The following MTRR variants were observed in gnomAD, a reference collection of about 807,000 sequenced individuals.
MTRR encodes 5-methyltetrahydrofolate-homocysteine methyltransferase reductase, also known as methionine synthase reductase.
In MTRR, 63 loss-of-function variants were observed where a neutral mutation model predicts 79.2. The observed-to-expected ratio is 0.80, with a 90% confidence interval of 0.65 to 0.98. MTRR has a LOEUF of 0.98. Ranked by LOEUF, MTRR falls within the 50% of genes least tolerant of loss-of-function variation. The pLI, the probability that MTRR is intolerant of heterozygous loss-of-function variation, is 0.00. For synonymous variants in MTRR, 355 were observed against 313.3 expected (o/e 1.13, Z -1.41); for missense variants, 895 against 839.6 (o/e 1.07, Z -0.82).
upstream of MTRR, chr5:7,865,978 CTTT>C: frequency 6.2e-7 from 1 of 1,613,608 alleles, no homozygotes; most frequent in Non-Finnish European, 8.5e-7. Flanking sequence ...AAATGAGATT[CTTT>C]ACCTGAAACA....
chr5:7,895,434 T>A (rs1738340768), intron 11 of MTRR, among the ~76,000 whole-genome samples: 1 of 152,186 alleles, frequency 6.6e-6, no homozygotes, highest in Non-Finnish European at 1.5e-5. Flanking sequence ...AGAAAGCAGA[T>A]CTTATCCATA....
intron 8 of MTRR, among the ~76,000 whole-genome samples, chr5:7,886,996 A>G (rs3815743): frequency 0.16 from 24,011 of 152,082 alleles, 2,004 homozygotes; most frequent in Middle Eastern, 0.33. Context: ...ACTAGTTATT[A>G]ACTACGTAGC....
In MTRR at chr5:7,889,180, C is replaced by G; in HGVS notation, c.1232C>G (p.Ala411Gly). The change falls in exon 9 of 15, where the codon GCC becomes GGC. Residue 411 changes from alanine (A) to glycine (G), a missense_variant. Ala to Gly is a moderately conservative substitution (Grantham distance 60). Transcript: ENST00000440940. ...LQELCSKQGA[A>G]DYSRFVRDAC... ...GAGCTGTGCAGTAAACAAGGGGCAGCCGATTATAGCCGCTTTGTACGAGAT... is the reference window on the plus strand; with the variant it reads ...GAGCTGTGCAGTAAACAAGGGGCAGGCGATTATAGCCGCTTTGTACGAGAT... 5 of 1,614,020 alleles carry G rather than the reference C, an allele frequency of 3.1e-6. No individual in the cohort carries two copies. The highest frequency in any genetic ancestry group is 4.2e-6 in the Non-Finnish European group (5 of 1,180,022).
chr5:7,851,667 C>T (rs1746083968), intron 1 of MTRR: 1 of 152,138 alleles, frequency 6.6e-6, no homozygotes, highest in Admixed American at 6.5e-5. Context: ...CTAGCAGTTA[C>T]AGTATTGGCC....
chr5:7,867,075 C>G, upstream of MTRR: 1 of 1,614,186 alleles, frequency 6.2e-7, no homozygotes, highest in Non-Finnish European at 8.5e-7. Flanking sequence ...GCCTCCAAGA[C>G]TCTCCTAAGC....
rs776897289 is a variant in MTRR at position 7,878,130 on chromosome 5, C to T, written c.588C>T (p.Phe196=). The T allele has an allele frequency of 5.6e-6, 9 of 1,613,788 alleles. No homozygotes were observed. The highest frequency in any genetic ancestry group is 4.0e-5 in the African/African-American group (3 of 74,826). The stretch of plus-strand genomic sequence containing the variant: ...AATCTCAAGTCGAGCTTCTGAGATT[C>T]GATGATTCAGGAAGAAAGGATTCTG... ...HIESQVELLR[F]DDSGRKDSEV... Residue 196 remains phenylalanine, a synonymous_variant, in exon 5 of 15, where the codon TTC becomes TTT. Coordinates refer to ENST00000440940, the MANE Select transcript of MTRR (RefSeq NM_002454.3).
chr5:7,854,557 T>C (rs114204331), intron 1 of MTRR, among the ~76,000 whole-genome samples: 2,238 of 152,168 alleles, frequency 0.015, 50 homozygotes, highest in African/African-American at 0.051. Context: ...ACTCCTTACA[T>C]GGTGGCGGCA....
chr5:7,872,202 AAAGTT>A (rs1000037037), intron 2 of MTRR: 10 of 448,304 alleles, frequency 2.2e-5, no homozygotes, highest in African/African-American at 2.0e-4. Context: ...ACTTCGGTAA[AAAGTT>A]AAGTTGTTAC....
rs1442614578 is a variant in MTRR at position 7,883,305 on chromosome 5, C to T, written c.903+28C>T. The T allele has an allele frequency of 3.1e-6, 5 of 1,613,902 alleles. No homozygotes were observed. The South Asian group carries it at 3.3e-5, about 11-fold the overall frequency. On this transcript the variant is annotated intron_variant, in intron 6 of 14. Transcript: ENST00000440940. ...AAGTTGCAAAATTTATTTCTCAGCA[C>T]AGTAATATTGTCAGGATGTGCAGAA...
chr5:7,854,477 A>AG (rs1462072182), intron 1 of MTRR, among the ~76,000 whole-genome samples: 1 of 152,166 alleles, frequency 6.6e-6, no homozygotes, highest in Non-Finnish European at 1.5e-5. Flanking sequence ...TGGGATGAAA[A>AG]GAGGTTTAAT....
intron 6 of MTRR, among the ~76,000 whole-genome samples, chr5:7,884,172 T>A (rs1024680049): frequency 5.9e-5 from 9 of 151,994 alleles, no homozygotes; most frequent in Non-Finnish European, 8.8e-5. Context: ...TCAATTTTTT[T>A]AAAAAAAGAA....
chr5:7,886,869 T>C (rs1736562496), intron 8 of MTRR, among the ~76,000 whole-genome samples, 166 bp downstream of exon 8: 1 of 152,242 alleles, frequency 6.6e-6, no homozygotes, highest in African/African-American at 2.4e-5. Context: ...ATCGTAACTA[T>C]CATCTATGAA....
At chr5:7,885,977 T>A in intron 7 of MTRR, 123 bp downstream of exon 7, 2 of 1,326,438 alleles carry the variant, frequency 1.5e-6, no homozygotes, top group Non-Finnish European at 2.2e-6. Context: ...GGGGCTCAGC[T>A]GCGCATCAAG....
In MTRR at chr5:7,900,914, T is replaced by C. The variant is rs1411513161; in HGVS notation, c.*856T>C. On this transcript the variant is annotated 3_prime_UTR_variant, in exon 15 of 15. Transcript: ENST00000440940. ...AGTGTGCTGGACCTAAAATACTGAC[T>C]TTAGTTAGTATCCTTGGATTTTTAG... The C allele has an allele frequency of 6.6e-6, 1 of 152,218 alleles. No homozygotes were observed. The highest frequency in any genetic ancestry group is 1.5e-5 in the Non-Finnish European group (1 of 68,028). 9.4% of individuals were successfully genotyped at this position (152,218 alleles called of 1,614,324 possible). A position where few individuals can be genotyped will look rare whatever the true frequency, so the allele number is the denominator to read the frequency against.
intron 1 of MTRR, among the ~76,000 whole-genome samples, chr5:7,857,099 T>G (rs1373828341): frequency 6.6e-6 from 1 of 152,240 alleles, no homozygotes; most frequent in Non-Finnish European, 1.5e-5. Flanking sequence ...CTATCACTGT[T>G]GCTGCAGGGG....
intron 14 of MTRR, among the ~76,000 whole-genome samples, chr5:7,899,162 T>A (rs890398336): frequency 6.6e-6 from 1 of 152,078 alleles, no homozygotes; most frequent in African/African-American, 2.4e-5. Context: ...TCATGAGGCA[T>A]CTGCCCCCAT....
At chr5:7,880,422 C>T (rs1375481342) in intron 5 of MTRR, among the ~76,000 whole-genome samples, 1 of 152,160 alleles carries the variant, frequency 6.6e-6, no homozygotes, top group African/African-American at 2.4e-5. Flanking sequence ...TGAGGCCATG[C>T]TAGTCTACTT....
Position 7,870,848 on chromosome 5 carries a change from C to CG in MTRR, c.55dup (p.Ala19GlyfsTer6). ...CACAGCAGGGACAGGCAAAGGCCAT[C>CG]GCAGAAGAAATATGTGAGCAAGCTG... On this transcript the variant is annotated frameshift_variant, in exon 2 of 15. Coordinates refer to ENST00000440940, the MANE Select transcript of MTRR (RefSeq NM_002454.3). LOFTEE classifies it high-confidence loss of function. The CG allele has an allele frequency of 1.9e-6, 3 of 1,614,152 alleles. No individual in the cohort carries two copies. The highest frequency in any genetic ancestry group is 2.5e-6 in the Non-Finnish European group (3 of 1,180,014).
chr5:7,878,066 C>T lies in MTRR; in HGVS notation c.524C>T (p.Ser175Leu), dbSNP rs1532268. ...GALPVASPAS[S>L]RTDLVKSELL... ...CTCCCGGTGGCATCACCTGCATCCT[C>T]GAGGACAGACCTTGTGAAGTCAGAG... The change falls in exon 5 of 15, where the codon TCG becomes TTG. Residue 175 changes from serine to leucine, a missense_variant. Coordinates refer to ENST00000440940, the MANE Select transcript of MTRR (RefSeq NM_002454.3). 560,847 of 1,613,402 alleles carry T rather than the reference C, an allele frequency of 0.35. 100,433 individuals are homozygous for T. The highest frequency in any genetic ancestry group is 0.4 in the Middle Eastern group (2,425 of 6,058).
Sources: gnomAD v4.1 joint callset for allele counts (sites outside exome capture counted in the v4.1 genomes callset) on GRCh38, gnomAD v4.1.1 for gene constraint, MANE v1.5 for transcripts, NCBI Gene and HGNC (gene_info 2026-07-23, HGNC 2026-07-21) for gene names.